SCN8A: variants seen among roughly 807,000 people sequenced by gnomAD.
The protein encoded by SCN8A is sodium channel protein type 8 subunit alpha.
SCN8A carries 30 observed loss-of-function variants against 184.1 expected under a neutral mutation model. That is an observed-to-expected ratio of 0.16 (90% CI 0.12 to 0.22). The LOEUF (loss-of-function observed/expected upper bound fraction) is 0.22. Among genes scored for constraint, SCN8A ranks in the 10% least tolerant of loss-of-function variants. The pLI is 1.00. For missense variants in SCN8A, 1,057 were observed against 2,498.9 expected, an observed-to-expected ratio of 0.42 and a Z score of 12.30; for synonymous variants, 852 against 907.0, an observed-to-expected ratio of 0.94 and a Z score of 1.09.
intron 13 of SCN8A, 21 bp from the exon 14 acceptor site, chr12:51,751,334 C>A (rs1238676992): frequency 2.6e-6 from 4 of 1,560,726 alleles, no homozygotes; most frequent in Non-Finnish European, 2.6e-6. Flanking sequence ...GAGGGGCCAT[C>A]TTTGTTCTTA....
chr12:51,792,122 A>G (rs117713853), intron 25 of SCN8A, among the ~76,000 whole-genome samples: 4,660 of 152,204 alleles, frequency 0.031, 95 homozygotes, highest in Middle Eastern at 0.048. Context: ...CTAGAGGGCT[A>G]TAAGTGGTGG....
intron 1 of SCN8A, among the ~76,000 whole-genome samples, chr12:51,651,710 G>C (rs1247161619): frequency 6.6e-6 from 1 of 152,144 alleles, no homozygotes. Flanking sequence ...TTTGGGTGGG[G>C]ACACAGCCAA....
chr12:51,804,414 G>T (rs777052384), intron 26 of SCN8A, among the ~76,000 whole-genome samples: 20 of 151,368 alleles, frequency 1.3e-4, no homozygotes, highest in Non-Finnish European at 2.5e-4. Context: ...TGCCTCCCAG[G>T]CTCACGCAAT....
chr12:51,706,765 A>G, intron 11 of SCN8A, 50 bp downstream of exon 11: 2 of 1,316,134 alleles, frequency 1.5e-6, no homozygotes, highest in Non-Finnish European at 2.0e-6. Flanking sequence ...TTTTTTATTA[A>G]GGTAAAATGT....
At chr12:51,720,007 C>T (rs1475936149) in intron 11 of SCN8A, among the ~76,000 whole-genome samples, 11 of 134,080 alleles carry the variant, frequency 8.2e-5, no homozygotes, top group African/African-American at 2.5e-4. Flanking sequence ...ACCTGGCAGG[C>T]GGAGCTTGCA....
intron 2 of SCN8A, among the ~76,000 whole-genome samples, chr12:51,676,079 G>A (rs1420020739): frequency 1.3e-5 from 2 of 152,142 alleles, no homozygotes; most frequent in Non-Finnish European, 2.9e-5. Context: ...TGTAATAGAG[G>A]CGTGGAAAAT....
At chr12:51,668,844 G>A (rs1432957420) in intron 2 of SCN8A, among the ~76,000 whole-genome samples, 2 of 152,174 alleles carry the variant, frequency 1.3e-5, no homozygotes, top group East Asian at 1.9e-4. Context: ...ACCTATGGTA[G>A]GATAGTATAC....
chr12:51,761,382 C>CAACAATAG (rs1440927323), intron 14 of SCN8A, among the ~76,000 whole-genome samples: 2 of 151,718 alleles, frequency 1.3e-5, no homozygotes, highest in Non-Finnish European at 2.9e-5. Context: ...AAGGAAGCAC[C>CAACAATAG]GAAGTCTCCA....
intron 1 of SCN8A, among the ~76,000 whole-genome samples, chr12:51,661,556 A>G (rs1318107444): frequency 6.6e-6 from 1 of 152,190 alleles, no homozygotes; most frequent in East Asian, 1.9e-4. Context: ...GAGGAGCCTC[A>G]AGGTTTAGTT....
At chr12:51,668,464 T>A (rs1307880894) in intron 2 of SCN8A, among the ~76,000 whole-genome samples, 3 of 152,184 alleles carry the variant, frequency 2.0e-5, no homozygotes, top group Non-Finnish European at 4.4e-5. Flanking sequence ...TTCCCCACTT[T>A]TCTAATTTTT....
rs373723867 is a variant in SCN8A at position 51,636,924 on chromosome 12, A to AT, written c.-54-25833dup. ...CTTTATTGTAATTTGCAGATACTGC[A>AT]TTTTTTTACAAATTGTAAGTTTGTG... On this transcript the variant is annotated intron_variant, in intron 1 of 26. Coordinates refer to ENST00000627620, the MANE Select transcript of SCN8A (RefSeq NM_001330260.2). 2.2e-4 allele frequency among the ~76,000 whole-genome samples: 33 copies of AT among 152,318 alleles called. No homozygotes were observed. In the East Asian group the frequency reaches 5.6e-3, roughly 26 times the overall value.
At position 51,679,107 on chromosome 12, in the gene SCN8A, G is replaced by T. The variant is rs547515831; in HGVS notation, c.277-5067G>T. 6.3e-5 allele frequency among the ~76,000 whole-genome samples: 8 copies of T among 126,176 alleles called. No individual in the cohort carries two copies. The South Asian group carries it at 2.0e-3, about 32-fold the overall frequency. The allele number at this position is 126,176 out of a possible 152,430, so 82.8% of individuals were successfully genotyped here. ...AAATAAAAAAATAAAAAAAAATAAAGCTACTCACCCCAGGTGCAGTGGCTC... is the reference window on the plus strand; with the variant it reads ...AAATAAAAAAATAAAAAAAAATAAATCTACTCACCCCAGGTGCAGTGGCTC... On this transcript the variant is annotated intron_variant, in intron 2 of 26. Transcript: ENST00000627620.
intron 1 of SCN8A, among the ~76,000 whole-genome samples, chr12:51,628,589 G>A (rs1001154285): frequency 6.6e-6 from 1 of 152,154 alleles, no homozygotes; most frequent in East Asian, 1.9e-4. Context: ...GTGGTGGGGG[G>A]AAAGGGGTGG....
intron 1 of SCN8A, among the ~76,000 whole-genome samples, chr12:51,612,117 A>AT (rs564170228): frequency 8.5e-5 from 13 of 152,126 alleles, no homozygotes; most frequent in Non-Finnish European, 1.8e-4. Context: ...GGGAAAAAAC[A>AT]TTCAGTTTTT....
chr12:51,739,271 C>G (rs1352696340), intron 12 of SCN8A, among the ~76,000 whole-genome samples: 1 of 152,140 alleles, frequency 6.6e-6, no homozygotes, highest in Admixed American at 6.5e-5. Flanking sequence ...AACCGCCAAA[C>G]CTCTAAATCA....
At chr12:51,784,878 G>A (rs1565925131) in intron 21 of SCN8A, among the ~76,000 whole-genome samples, 1 of 152,168 alleles carries the variant, frequency 6.6e-6, no homozygotes, top group African/African-American at 2.4e-5. Context: ...GGAGGAAGTA[G>A]GTTCTGAATT....
intron 26 of SCN8A, among the ~76,000 whole-genome samples, chr12:51,804,895 T>C (rs1342000841): frequency 1.3e-5 from 2 of 152,228 alleles, no homozygotes. Context: ...GGTAGGGCTA[T>C]GGGAAACCAA....
intron 6 of SCN8A, among the ~76,000 whole-genome samples, chr12:51,693,294 A>G (rs535837319): frequency 6.6e-6 from 1 of 152,340 alleles, no homozygotes; most frequent in South Asian, 2.1e-4. Flanking sequence ...CTTCTTAGGA[A>G]AGATAAAGTT....
intron 11 of SCN8A, among the ~76,000 whole-genome samples, chr12:51,717,611 A>G (rs1367012605): frequency 6.6e-6 from 1 of 152,202 alleles, no homozygotes; most frequent in African/African-American, 2.4e-5. Context: ...AAGCTTACCA[A>G]TCCAGCAACA....
Sources: allele counts gnomAD v4.1 joint callset (sites outside exome capture counted in the v4.1 genomes callset), GRCh38; gene constraint gnomAD v4.1.1; transcripts MANE v1.5; gene names NCBI Gene and HGNC (gene_info 2026-07-23, HGNC 2026-07-21).